The following ZC3H14 variants were observed in gnomAD, a reference collection of about 807,000 sequenced individuals.
ZC3H14 encodes zinc finger CCCH domain-containing protein 14.
ZC3H14 carries 31 observed loss-of-function variants against 92.4 expected under a neutral mutation model. The ratio of observed to expected loss-of-function variants is 0.34; its 90% CI spans 0.25 to 0.45. ZC3H14 has a LOEUF of 0.45. Ranked by LOEUF, ZC3H14 falls within the 20% of genes least tolerant of loss-of-function variation. The pLI is 1.00. For missense variants in ZC3H14, 781 were observed against 897.3 expected (o/e 0.87, Z 1.66); for synonymous variants, 321 against 300.9 (o/e 1.07, Z -0.69).
chr14:88,620,625 T>A lies in ZC3H14; in HGVS notation c.*8874T>A. The A allele has an allele frequency of 8.1e-6, 6 of 743,570 alleles. No individual in the cohort carries two copies. Among genetic ancestry groups the A allele is most frequent in the Non-Finnish European group, 9.9e-6 (5 of 505,172 alleles). 46.1% of individuals were successfully genotyped at this position (743,570 alleles called of 1,614,324 possible). A position where few individuals can be genotyped will look rare whatever the true frequency, so the allele number is the denominator to read the frequency against. ...GTATACAAACAGCCATATTTTAGCA[T>A]ACAATTTATAATACGGGAAATGCTA... is the stretch of plus-strand genomic sequence containing the variant. On this transcript the variant is annotated 3_prime_UTR_variant, in exon 17 of 17. Transcript: ENST00000251038. The surrounding 1 kb of genome is among the most constrained non-coding windows in gnomAD (Gnocchi z 4.3).
chr14:88,616,286 A>G lies in ZC3H14; in HGVS notation c.*4535A>G, dbSNP rs759579683. 2.6e-6 allele frequency: 4 copies of G among 1,566,364 alleles called. No individual in the cohort carries two copies. Among genetic ancestry groups the G allele is most frequent in the Non-Finnish European group, 2.6e-6 (3 of 1,137,040 alleles). On this transcript the variant is annotated 3_prime_UTR_variant, in exon 17 of 17. Coordinates refer to ENST00000251038, the MANE Select transcript of ZC3H14 (RefSeq NM_024824.5). ...CAAGCTCAGGGCATTTGGTGCACAC[A>G]GAAGTCAAAGGCTCTTATTAGGAAC...
intron 1 of ZC3H14, 23 bp downstream of exon 1, chr14:88,563,192 G>T (rs779807212): frequency 3.1e-5 from 49 of 1,601,872 alleles, no homozygotes; most frequent in Non-Finnish European, 4.0e-5. Flanking sequence ...CCGGTCGGGG[G>T]TGGGAAGCCA....
At chr14:88,603,121 T>C (rs2084882611) in intron 12 of ZC3H14, 61 bp downstream of exon 12, 2 of 1,509,434 alleles carry the variant, frequency 1.3e-6, no homozygotes, top group Non-Finnish European at 9.2e-7. Flanking sequence ...TTGACTTGTT[T>C]CTCTACCTTG....
At chr14:88,604,842 C>T (rs1168036557) in intron 12 of ZC3H14, among the ~76,000 whole-genome samples, 1 of 152,098 alleles carries the variant, frequency 6.6e-6, no homozygotes. Flanking sequence ...GATCCACCAA[C>T]CTCGGCCTCC....
intron 7 of ZC3H14, 39 bp downstream of exon 7, chr14:88,574,892 T>A (rs756979249): frequency 6.2e-7 from 1 of 1,613,236 alleles, no homozygotes; most frequent in Admixed American, 1.7e-5. Flanking sequence ...TTTAACTGCC[T>A]TGGTGGAGTC....
At chr14:88,574,532 C>A in intron 6 of ZC3H14, 161 bp from the exon 7 acceptor site, 1 of 873,822 alleles carries the variant, frequency 1.1e-6, no homozygotes, top group Non-Finnish European at 1.7e-6. Context: ...TGTGAGCCAC[C>A]ACACCCAGCC....
chr14:88,575,830 A>C lies in ZC3H14; in HGVS notation c.1023-10A>C. On this transcript the variant is annotated splice_polypyrimidine_tract_variant and intron_variant, in intron 7 of 16. Transcript: ENST00000251038. The stretch of plus-strand genomic sequence containing the variant: ...AAGTTTAATAAAAATACCTTTCTTA[A>C]CTCTTTTAGACCTTCTCTTCCACCT... 6.2e-7 allele frequency: 1 copy of C among 1,606,444 alleles called. No homozygotes were observed. The highest frequency in any genetic ancestry group is 1.1e-5 in the South Asian group (1 of 90,870).
chr14:88,579,422 G>T (rs1339926305), intron 9 of ZC3H14, among the ~76,000 whole-genome samples: 1 of 152,200 alleles, frequency 6.6e-6, no homozygotes, highest in African/African-American at 2.4e-5. Flanking sequence ...GAGGGATTTT[G>T]CTCAGTGCAG....
At chr14:88,600,542 A>G (rs2084476789) in intron 10 of ZC3H14, among the ~76,000 whole-genome samples, 1 of 151,866 alleles carries the variant, frequency 6.6e-6, no homozygotes, top group Non-Finnish European at 1.5e-5. Context: ...CCTGGGCCCA[A>G]GCACTTCTCC....
Position 88,574,504 on chromosome 14 carries a change from A to G in ZC3H14, c.862-189A>G, listed in dbSNP as rs2080908595. ...GTGATCCGCCCACTTCGGCCTTCCA[A>G]AGTGCTAGGATTACAGATGTGAGCC... On this transcript the variant is annotated intron_variant, in intron 6 of 16. Transcript: ENST00000251038. The G allele has an allele frequency of 2.6e-5, 17 of 657,876 alleles. No individual in the cohort carries two copies. In the South Asian group the frequency reaches 2.9e-4, roughly 11 times the overall value. 40.8% of individuals were successfully genotyped at this position (657,876 alleles called of 1,614,324 possible).
At chr14:88,581,570 T>A (rs2139751503) in intron 9 of ZC3H14, among the ~76,000 whole-genome samples, 1 of 151,488 alleles carries the variant, frequency 6.6e-6, no homozygotes, top group African/African-American at 2.4e-5. Flanking sequence ...CAAGAAAAAA[T>A]AAAAATAAAA....
At chr14:88,611,013 A>C in intron 16 of ZC3H14, 73 bp downstream of exon 16, 4 of 1,454,896 alleles carry the variant, frequency 2.7e-6, no homozygotes, top group Non-Finnish European at 3.8e-6. Flanking sequence ...TAAATTTATA[A>C]GCACACAAAA....
At chr14:88,589,455 A>AT (rs2082843906) in intron 9 of ZC3H14, 1 of 152,144 alleles carries the variant, frequency 6.6e-6, no homozygotes, top group Admixed American at 6.5e-5. Flanking sequence ...AAGGCTTGAT[A>AT]TATCATCTCT....
At chr14:88,602,325 G>T (rs991451925) in intron 11 of ZC3H14, among the ~76,000 whole-genome samples, 1 of 152,152 alleles carries the variant, frequency 6.6e-6, no homozygotes, top group Non-Finnish European at 1.5e-5. Context: ...CTCTATTAAA[G>T]ATTCTTTTCT....
chr14:88,576,403 A>T (rs1218714320), intron 8 of ZC3H14, among the ~76,000 whole-genome samples: 2 of 152,238 alleles, frequency 1.3e-5, no homozygotes, highest in Admixed American at 1.3e-4. Flanking sequence ...GTAGAATATA[A>T]GGCAGAGAAT....
intron 2 of ZC3H14, among the ~76,000 whole-genome samples, chr14:88,566,594 C>T (rs988750748): frequency 1.3e-5 from 2 of 152,128 alleles, no homozygotes; most frequent in Non-Finnish European, 2.9e-5. Context: ...AACCTTTCTG[C>T]CTGCATAGAA....
At chr14:88,578,164 C>G (rs770163613) in intron 9 of ZC3H14, 24 bp downstream of exon 9, 4 of 1,612,312 alleles carry the variant, frequency 2.5e-6, no homozygotes, top group Non-Finnish European at 3.4e-6. Flanking sequence ...TGATGTTTCA[C>G]TCTTTACTAC....
At chr14:88,585,630 T>A (rs1352209634) in intron 9 of ZC3H14, among the ~76,000 whole-genome samples, 1 of 152,124 alleles carries the variant, frequency 6.6e-6, no homozygotes, top group African/African-American at 2.4e-5. Context: ...GACCTTGTTA[T>A]CTGCCCGCTT....
chr14:88,615,771 T>TG lies in ZC3H14; in HGVS notation c.*4021dup. On this transcript the variant is annotated 3_prime_UTR_variant, in exon 17 of 17. Coordinates refer to ENST00000251038, the MANE Select transcript of ZC3H14 (RefSeq NM_024824.5). The stretch of plus-strand genomic sequence containing the variant: ...GGGTTGGGTTTTGGTTTTTCTTCTC[T>TG]GTAATTCTGGTCTCAAAGTTAATTT... The TG allele has an allele frequency of 6.3e-7, 1 of 1,590,710 alleles. No homozygotes were observed. The highest frequency in any genetic ancestry group is 8.6e-7 in the Non-Finnish European group (1 of 1,167,536).
Sources: gnomAD v4.1 joint callset for allele counts (sites outside exome capture counted in the v4.1 genomes callset) on GRCh38, gnomAD v4.1.1 for gene constraint, Gnocchi (gnomAD v3.1) non-coding constraint, MANE v1.5 for transcripts, NCBI Gene and HGNC (gene_info 2026-07-23, HGNC 2026-07-21) for gene names.